The following NCOA2 variants were observed in gnomAD, a reference collection of about 807,000 sequenced individuals.
NCOA2 encodes the protein class E basic helix-loop-helix protein 75.
Under a neutral mutation model 145.1 loss-of-function variants are expected in NCOA2, and 21 were observed. The ratio of observed to expected loss-of-function variants is 0.14; its 90% CI spans 0.10 to 0.21. The LOEUF is 0.21. NCOA2 is among the 10% of genes least tolerant of loss of function. The probability of loss-of-function intolerance (pLI) is 1.00; values close to 1 mark genes in which losing one functional copy is unlikely to be tolerated. For synonymous variants in NCOA2, 619 were observed against 637.5 expected (o/e 0.97, Z 0.44); for missense variants, 1,472 against 1,837.6 (o/e 0.80, Z 3.64).
rs557452411 is a variant in NCOA2 at position 70,391,078 on chromosome 8, T to C, written c.-77+12622A>G. Among the ~76,000 whole-genome samples the C allele has an allele frequency of 2.2e-3, 333 of 152,252 alleles. 1 individual carries two copies. Among genetic ancestry groups the C allele is most frequent in the African/African-American group, 7.6e-3 (315 of 41,522 alleles). ...AAAGTAAAGAAGATGGAAATAATTA[T>C]AGGACAGGAAAAGTCAACAGGGAGA... On this transcript the variant is annotated intron_variant, in intron 1 of 22. Coordinates refer to ENST00000452400, the MANE Select transcript of NCOA2 (RefSeq NM_006540.4).
intron 2 of NCOA2, among the ~76,000 whole-genome samples, chr8:70,286,938 C>A (rs1826271018): frequency 6.6e-6 from 1 of 152,054 alleles, no homozygotes; most frequent in African/African-American, 2.4e-5. Flanking sequence ...CAAAAACTGT[C>A]CAATATAAAT....
the NCOA2 span, among the ~76,000 whole-genome samples, chr8:70,416,195 GT>G: frequency 0.028 from 3,763 of 135,648 alleles, 121 homozygotes; most frequent in African/African-American, 0.076. Context: ...CAGTTTTTTT[GT>G]TTTTTTTTTT....
At chr8:70,310,304 A>G (rs1276110895) in intron 1 of NCOA2, among the ~76,000 whole-genome samples, 1 of 144,156 alleles carries the variant, frequency 6.9e-6, no homozygotes, top group Non-Finnish European at 1.5e-5. Context: ...AGATCACACC[A>G]CTGCACTCCA....
intron 1 of NCOA2, among the ~76,000 whole-genome samples, chr8:70,312,569 C>A (rs1312180824): frequency 6.6e-6 from 1 of 151,670 alleles, no homozygotes; most frequent in Non-Finnish European, 1.5e-5. Context: ...TTCCAATGAA[C>A]AAAATCATCT....
intron 1 of NCOA2, among the ~76,000 whole-genome samples, chr8:70,360,236 C>G (rs899510410): frequency 6.6e-6 from 1 of 152,098 alleles, no homozygotes; most frequent in African/African-American, 2.4e-5. Context: ...GCAAGAAAAC[C>G]GTTGATTTGT....
chr8:70,441,804 GAAAGAAAGAAAGAAGAAAGAAGAAAGA>G, the NCOA2 span, among the ~76,000 whole-genome samples: 2 of 68,430 alleles, frequency 2.9e-5, no homozygotes, highest in Non-Finnish European at 7.9e-5. Flanking sequence ...AAGAAAGAAA[GAAAGAAAGAAAGAAGAAAGAAGAAAGA>G]AAGAAAGAAA....
At chr8:70,197,433 G>A (rs1275174271) in intron 4 of NCOA2, among the ~76,000 whole-genome samples, 1 of 152,240 alleles carries the variant, frequency 6.6e-6, no homozygotes, top group East Asian at 1.9e-4. Flanking sequence ...CTACGTCAGG[G>A]AGGGTGAGGG....
rs141020557 is a variant in NCOA2 at position 70,305,418 on chromosome 8, T to G, written c.-76-8618A>C. On this transcript the variant is annotated intron_variant, in intron 1 of 22. Transcript: ENST00000452400. Reference sequence around the variant, plus strand: ...TTATTTCAATACAATAAAGAGAACATTAATTTTTTAAAATGCACACAAAGC... The same window carrying G: ...TTATTTCAATACAATAAAGAGAACAGTAATTTTTTAAAATGCACACAAAGC... Among the ~76,000 whole-genome samples the G allele has an allele frequency of 2.9e-3, 434 of 152,270 alleles. 3 individuals are homozygous for G. Among genetic ancestry groups the G allele is most frequent in the Admixed American group, 4.3e-3 (66 of 15,294 alleles).
At chr8:70,160,666 A>AGAGAGAGAGAGAGAGAGAGAGAGAGAGG (rs1812848546) in intron 9 of NCOA2, among the ~76,000 whole-genome samples, 1 of 143,786 alleles carries the variant, frequency 7.0e-6, no homozygotes, top group Admixed American at 6.8e-5. Context: ...AGACAGAGAG[A>AGAGAGAGAGAGAGAGAGAGAGAGAGAGG]GAGAGAGAGA....
At chr8:70,353,356 C>G (rs1345660094) in intron 1 of NCOA2, among the ~76,000 whole-genome samples, 4 of 150,912 alleles carry the variant, frequency 2.7e-5, no homozygotes, top group East Asian at 3.9e-4. Flanking sequence ...CTCAAATGAT[C>G]TTCCCACCTC....
At chr8:70,264,502 C>T (rs1824401238) in intron 2 of NCOA2, among the ~76,000 whole-genome samples, 1 of 152,050 alleles carries the variant, frequency 6.6e-6, no homozygotes, top group South Asian at 2.1e-4. Context: ...CTCTTAACAA[C>T]AACAACAACA....
intron 2 of NCOA2, among the ~76,000 whole-genome samples, chr8:70,223,354 T>C (rs1455279331): frequency 6.6e-6 from 1 of 152,230 alleles, no homozygotes; most frequent in African/African-American, 2.4e-5. Flanking sequence ...CAAGACAGTC[T>C]GTACCTATAC....
chr8:70,244,270 T>C (rs1012736879), intron 2 of NCOA2, among the ~76,000 whole-genome samples: 1 of 152,138 alleles, frequency 6.6e-6, no homozygotes, highest in African/African-American at 2.4e-5. Context: ...GTTGTGTAAT[T>C]GTTAACCCTT....
At chr8:70,363,428 G>T (rs1440668333) in intron 1 of NCOA2, among the ~76,000 whole-genome samples, 1 of 150,422 alleles carries the variant, frequency 6.6e-6, no homozygotes, top group African/African-American at 2.4e-5. Context: ...ACACAACCTA[G>T]TAAGCCCACT....
intron 7 of NCOA2, among the ~76,000 whole-genome samples, chr8:70,165,591 C>T (rs115693328): frequency 0.011 from 1,731 of 152,286 alleles, 41 homozygotes; most frequent in African/African-American, 0.04. Context: ...GCTGTGTGGA[C>T]GGCTTGCCTA....
intron 2 of NCOA2, among the ~76,000 whole-genome samples, chr8:70,280,107 T>C (rs545004056): frequency 1.3e-5 from 2 of 152,336 alleles, no homozygotes; most frequent in East Asian, 3.9e-4. Context: ...TTCAAGCATC[T>C]GCCATTCTGC....
At chr8:70,284,016 G>T (rs1159469031) in intron 2 of NCOA2, among the ~76,000 whole-genome samples, 1 of 152,050 alleles carries the variant, frequency 6.6e-6, no homozygotes, top group African/African-American at 2.4e-5. Context: ...GAATAAATAA[G>T]CAACATTCCC....
chr8:70,148,518 A>AAGAGTGGTGT, intron 11 of NCOA2, 35 bp from the exon 12 acceptor site: 3 of 1,596,454 alleles, frequency 1.9e-6, no homozygotes, highest in Non-Finnish European at 2.6e-6. Flanking sequence ...TATCCAGTCT[A>AAGAGTGGTGT]CTCTAAGAGT....
intron 1 of NCOA2, among the ~76,000 whole-genome samples, chr8:70,360,413 C>T (rs1459900929): frequency 2.0e-5 from 3 of 152,138 alleles, no homozygotes; most frequent in Non-Finnish European, 4.4e-5. Flanking sequence ...TGCTATTCTA[C>T]AAGTCTTAAC....
Sources: gnomAD v4.1 joint callset for allele counts (sites outside exome capture counted in the v4.1 genomes callset) on GRCh38, gnomAD v4.1.1 for gene constraint, MANE v1.5 for transcripts, NCBI Gene and HGNC (gene_info 2026-07-23, HGNC 2026-07-21) for gene names.